FGA: variants seen among roughly 807,000 people sequenced by gnomAD.
FGA encodes the protein fibrinogen, A alpha polypeptide.
A neutral mutation model predicts 20.3 loss-of-function variants in FGA; 20 were observed. The ratio of observed to expected loss-of-function variants is 0.99; its 90% CI spans 0.69 to 1.43. The LOEUF is 1.43. FGA is among the 40% of genes most tolerant of loss of function. The pLI, the probability that FGA is intolerant of heterozygous loss-of-function variation, is 0.00. For missense variants in FGA, 777 were observed against 784.7 expected (o/e 0.99, Z 0.12); for synonymous variants, 306 against 281.6 (o/e 1.09, Z -0.87).
rs199554805 is a variant in FGA at position 154,588,913 on chromosome 4, T to G, written c.244A>C (p.Thr82Pro). 398 of 1,613,524 alleles carry G rather than the reference T, an allele frequency of 2.5e-4. 2 individuals are homozygous for G. The highest frequency in any genetic ancestry group is 3.3e-4 in the Non-Finnish European group (389 of 1,179,556). ...GLIDEVNQDF[T>P]NRINKLKNSL... Reference sequence around the variant, plus strand: ...TTTTTGAGCTTATTTATTCTGTTTGTAAAATCTTGATTGACTTCATCAATC... The same window carrying G: ...TTTTTGAGCTTATTTATTCTGTTTGGAAAATCTTGATTGACTTCATCAATC... Residue 82 changes from threonine (T) to proline (P), a missense_variant, in exon 3 of 5, where the codon ACA (threonine) becomes CCA (proline). Thr to Pro is a conservative substitution (Grantham distance 38). Transcript: ENST00000403106.
chr4:154,589,694 C>T, intron 1 of FGA, 132 bp from the exon 2 acceptor site: 2 of 952,022 alleles, frequency 2.1e-6, no homozygotes, highest in Non-Finnish European at 3.3e-6. Context: ...AGACACAGGG[C>T]TTCGGCAAGC....
rs1352522848 is a variant in FGA at position 154,586,639 on chromosome 4, G to A, written c.790C>T (p.Pro264Ser). The stretch of plus-strand genomic sequence containing the variant: ...CCTCGAGTAATCTCATTTCCACCAG[G>A]TCTCTCTAACTCCATTCTCATCTGC... ...MPQMRMELER[P>S]GGNEITRGGS... Residue 264 changes from proline to serine, a missense_variant, in exon 5 of 5, where the codon CCT becomes TCT. Pro to Ser is a moderately conservative substitution (Grantham distance 74, BLOSUM62 -1). Transcript: ENST00000403106. The A allele has an allele frequency of 1.2e-6, 2 of 1,614,024 alleles. No homozygotes were observed. Among genetic ancestry groups the A allele is most frequent in the Non-Finnish European group, 1.7e-6 (2 of 1,179,966 alleles).
In FGA at chr4:154,588,857, C is replaced by T. The variant is rs112877216; in HGVS notation, c.300G>A (p.Lys100=). 4.3e-4 allele frequency: 697 copies of T among 1,612,290 alleles called. 1 individual carries two copies. In the African/African-American group the frequency reaches 7.9e-3, roughly 18 times the overall value. The change falls in exon 3 of 5, where the codon AAG becomes AAA. Residue 100 remains lysine, a synonymous_variant. Coordinates refer to ENST00000403106, the MANE Select transcript of FGA (RefSeq NM_021871.4). ...TATTAGTGGTCAACGAATGAGAATC[C>T]TTATTGTTCTTCTGATATTCAAATA... The part of the protein sequence containing the change: ...NSLFEYQKNN[K]DSHSLTTNIM...
rs1471661337 is a variant in FGA, at chr4:154,589,420, C to T, written c.180+17G>A. ...TCAGAGGGAAGGAATCTCCTGCTTC[C>T]CCCGCTGACTGCTTACCCAGTCTTC... On this transcript the variant is annotated intron_variant, in intron 2 of 4. Transcript: ENST00000403106. 2 of 1,613,672 alleles carry T rather than the reference C, an allele frequency of 1.2e-6. No individual in the cohort carries two copies. The highest frequency in any genetic ancestry group is 1.7e-6 in the Non-Finnish European group (2 of 1,179,960).
chr4:154,585,851 T>C lies in FGA; in HGVS notation c.1578A>G (p.Gly526=). 2 of 1,614,148 alleles carry C rather than the reference T, an allele frequency of 1.2e-6. No individual in the cohort carries two copies. The highest frequency in any genetic ancestry group is 1.7e-6 in the Non-Finnish European group (2 of 1,180,006). The part of the protein sequence containing the change: ...EAAFFDTAST[G]KTFPGFFSPM... Reference sequence around the variant, plus strand: ...GTGAGAAGAAACCTGGGAATGTTTTTCCAGTTGAGGCAGTGTCGAAGAAGG... The same window carrying C: ...GTGAGAAGAAACCTGGGAATGTTTTCCCAGTTGAGGCAGTGTCGAAGAAGG... The change falls in exon 5 of 5, where the codon GGA becomes GGG. Residue 526 remains glycine (G), a synonymous_variant. Transcript: ENST00000403106.
rs755603154 is a variant in FGA at position 154,585,868 on chromosome 4, C to T, written c.1561G>A (p.Asp521Asn). 48 of 1,613,934 alleles carry T rather than the reference C, an allele frequency of 3.0e-5. No individual in the cohort carries two copies. The East Asian group carries it at 6.0e-4, about 20-fold the overall frequency. ...AATGTTTTTCCAGTTGAGGCAGTGT[C>T]GAAGAAGGCAGCTTCATCAGGGTGC... ...HRHPDEAAFFDTASTGKTFPG... is the reference protein window; with the variant it reads ...HRHPDEAAFFNTASTGKTFPG... The change falls in exon 5 of 5, where the codon GAC (aspartate) becomes AAC (asparagine). Residue 521 changes from aspartate to asparagine, a missense_variant. Asp to Asn is a conservative substitution (Grantham distance 23). Transcript: ENST00000403106.
At position 154,585,692 on chromosome 4, in the gene FGA, G is replaced by GT. The variant is rs770461175; in HGVS notation, c.1736dup (p.Tyr579Ter). Residue 579 changes from tyrosine to a stop codon, truncating the protein, a stop_gained and frameshift_variant, in exon 5 of 5, where the codon TAC becomes TAAC. Coordinates refer to ENST00000403106, the MANE Select transcript of FGA (RefSeq NM_021871.4). LOFTEE classifies it low-confidence loss of function (END_TRUNC). Reference sequence around the variant, plus strand: ...TCGTGCTACTAGTAAATTGTTTGCTGTAACTTGAAGATTTACCACGGGAAG... The same window carrying GT: ...TCGTGCTACTAGTAAATTGTTTGCTGTTAACTTGAAGATTTACCACGGGAAG... ...EFPSRGKSSS[Y>*]SKQFTSSTSY... 2.5e-6 allele frequency: 4 copies of GT among 1,614,172 alleles called. No homozygotes were observed. In the Admixed American group the frequency reaches 6.7e-5, roughly 27 times the overall value.
In FGA at chr4:154,586,698, A is replaced by T; in HGVS notation, c.731T>A (p.Val244Glu). 6.2e-7 allele frequency: 1 copy of T among 1,614,182 alleles called. No individual in the cohort carries two copies. The highest frequency in any genetic ancestry group is 1.1e-5 in the South Asian group (1 of 91,080). The change falls in exon 5 of 5, where the codon GTA becomes GAA. Residue 244 changes from valine to glutamate, a missense_variant. By Grantham distance (121) the Val-to-Glu change is moderately radical. Transcript: ENST00000403106. ...TGTTAATGCCTTCCACTCTGGGGGT[A>T]CCTTCTGAAGCTGGCTCTTAAAATT... is the stretch of plus-strand genomic sequence containing the variant. ...PGNFKSQLQK[V>E]PPEWKALTDM...
rs1553964329 is a variant in FGA at position 154,587,803 on chromosome 4, G to GAAAGAA, written c.365-147_365-146insTTCTTT. On this transcript the variant is annotated intron_variant, in intron 3 of 4. Transcript: ENST00000403106. ...AGAAAGAAAGAAAGAAAGAAAGAAA[G>GAAAGAA]AGAAAAAAGAAAGAAAGAAACTAGC... 2.3e-3 allele frequency: 1,505 copies of GAAAGAA among 664,426 alleles called. 19 individuals are homozygous for GAAAGAA. The highest frequency in any genetic ancestry group is 4.1e-3 in the East Asian group (140 of 34,142). The allele number at this position is 664,426 out of a possible 1,614,324, so 41.2% of individuals were successfully genotyped here.
downstream of FGA, chr4:154,584,119 T>C (rs752895478): frequency 2.8e-6 from 3 of 1,056,708 alleles, no homozygotes; most frequent in Non-Finnish European, 3.8e-6. Flanking sequence ...TCCCACTTCT[T>C]CAGCCTATTG....
In FGA at chr4:154,586,768, A is replaced by G; in HGVS notation, c.661T>C (p.Leu221=). 2 of 1,614,116 alleles carry G rather than the reference A, an allele frequency of 1.2e-6. No individual in the cohort carries two copies. The highest frequency in any genetic ancestry group is 1.7e-6 in the Non-Finnish European group (2 of 1,180,026). Residue 221 remains leucine (L), a synonymous_variant, in exon 5 of 5, where the codon TTA becomes CTA. Transcript: ENST00000403106. Reference sequence around the variant, plus strand: ...ACTGGTTTCATTTTTATCAGTGGTAAGTGTTGCCTATCTCTAGAGGGAAGT... The same window carrying G: ...ACTGGTTTCATTTTTATCAGTGGTAGGTGTTGCCTATCTCTAGAGGGAAGT... ...DLLPSRDRQH[L]PLIKMKPVPD...
At chr4:154,584,091 A>AAGACAGAGTGCTCCCATTCCCACTTCGT, downstream of FGA, 1 of 1,541,348 alleles carries the variant, frequency 6.5e-7, no homozygotes, top group Non-Finnish European at 9.0e-7. Context: ...TCTAGCAAAG[A>AAGACAGAGTGCTCCCATTCCCACTTCGT]AGACAGAGTG....
chr4:154,589,394 A>G (rs370260013), intron 2 of FGA, 43 bp downstream of exon 2: 66 of 1,610,024 alleles, frequency 4.1e-5, no homozygotes, highest in Non-Finnish European at 5.6e-5. Context: ...CCCCTCTAGC[A>G]TCAGAGGGAA....
downstream of FGA, chr4:154,584,106 C>T: frequency 1.3e-6 from 2 of 1,583,886 alleles, no homozygotes; most frequent in Non-Finnish European, 1.7e-6. Flanking sequence ...AGAGTGCTCC[C>T]ATTCCCACTT....
intron 2 of FGA, 80 bp downstream of exon 2, chr4:154,589,357 C>A (rs1350823843): frequency 1.3e-6 from 2 of 1,563,278 alleles, no homozygotes; most frequent in African/African-American, 2.7e-5. Flanking sequence ...AAAAAAGTTT[C>A]TGGGACCAAT....
rs770086349 is a variant in FGA, at chr4:154,586,698, A to G, written c.731T>C (p.Val244Ala). The change falls in exon 5 of 5, where the codon GTA becomes GCA. Residue 244 changes from valine (V) to alanine (A), a missense_variant. Coordinates refer to ENST00000403106, the MANE Select transcript of FGA (RefSeq NM_021871.4). ...PGNFKSQLQK[V>A]PPEWKALTDM... is the part of the protein sequence containing the mutation. The stretch of plus-strand genomic sequence containing the variant: ...TGTTAATGCCTTCCACTCTGGGGGT[A>G]CCTTCTGAAGCTGGCTCTTAAAATT... The G allele has an allele frequency of 3.1e-6, 5 of 1,614,182 alleles. No individual in the cohort carries two copies. Among genetic ancestry groups the G allele is most frequent in the South Asian group, 2.2e-5 (2 of 91,080 alleles).
chr4:154,585,888 G>A lies in FGA; in HGVS notation c.1541C>T (p.Pro514Leu). The change falls in exon 5 of 5, where the codon CCT becomes CTT. Residue 514 changes from proline (P) to leucine (L), a missense_variant. Coordinates refer to ENST00000403106, the MANE Select transcript of FGA (RefSeq NM_021871.4). The part of the protein sequence containing the change: ...GTLDGFRHRH[P>L]DEAAFFDTAS... ...AGTGTCGAAGAAGGCAGCTTCATCA[G>A]GGTGCCTATGGCGGAACCCATCCAG... is the stretch of plus-strand genomic sequence containing the variant. 1 of 1,614,044 alleles carries A rather than the reference G, an allele frequency of 6.2e-7. No individual in the cohort carries two copies. Among genetic ancestry groups the A allele is most frequent in the South Asian group, 1.1e-5 (1 of 91,068 alleles).
chr4:154,590,021 T>G lies in FGA; in HGVS notation c.55-459A>C, dbSNP rs1730830770. 2.0e-5 allele frequency among the ~76,000 whole-genome samples: 3 copies of G among 152,236 alleles called. No homozygotes were observed. The South Asian group carries it at 6.2e-4, about 31-fold the overall frequency. On this transcript the variant is annotated intron_variant, in intron 1 of 4. Coordinates refer to ENST00000403106, the MANE Select transcript of FGA (RefSeq NM_021871.4). ...TCTTAACTGAATGTTCCTCTCTCCT[T>G]CAAGTTTCTATGTAACCTTTAGAGA... is the stretch of plus-strand genomic sequence containing the variant.
Position 154,585,798 on chromosome 4 carries a change from G to C in FGA, c.1631C>G (p.Thr544Ser). Residue 544 changes from threonine to serine, a missense_variant, in exon 5 of 5, where the codon ACT (threonine) becomes AGT (serine). Thr to Ser is a moderately conservative substitution (Grantham distance 58, BLOSUM62 1). Coordinates refer to ENST00000403106, the MANE Select transcript of FGA (RefSeq NM_021871.4). ...SPMLGEFVSE[T>S]ESRGSESGIF... ...GCCAGATTCTGAGCCCCTAGACTCAGTCTCACTGACAAACTCTCCTAACAT... is the reference window on the plus strand; with the variant it reads ...GCCAGATTCTGAGCCCCTAGACTCACTCTCACTGACAAACTCTCCTAACAT... The C allele has an allele frequency of 6.2e-7, 1 of 1,614,176 alleles. No homozygotes were observed. Among genetic ancestry groups the C allele is most frequent in the African/African-American group, 1.3e-5 (1 of 75,046 alleles).
Sources: allele counts gnomAD v4.1 joint callset (sites outside exome capture counted in the v4.1 genomes callset), GRCh38; gene constraint gnomAD v4.1.1; transcripts MANE v1.5; gene names NCBI Gene and HGNC (gene_info 2026-07-23, HGNC 2026-07-21).